LMBR1: variants seen among roughly 807,000 people sequenced by gnomAD.
LMBR1 encodes limb region 1 protein homolog.
A neutral mutation model predicts 73.9 loss-of-function variants in LMBR1; 52 were observed. The ratio of observed to expected loss-of-function variants is 0.70; its 90% CI spans 0.56 to 0.89. The LOEUF (loss-of-function observed/expected upper bound fraction) is 0.89. Ranked by LOEUF, LMBR1 falls within the 40% of genes least tolerant of loss-of-function variation. The probability of loss-of-function intolerance (pLI) is 0.00; values close to 1 mark genes in which losing one functional copy is unlikely to be tolerated. For missense variants in LMBR1, 539 were observed against 579.8 expected (o/e 0.93, Z 0.72); for synonymous variants, 215 against 209.4 (o/e 1.03, Z -0.23).
chr7:156,760,272 A>G (rs1370852225), intron 8 of LMBR1, among the ~76,000 whole-genome samples: 1 of 151,020 alleles, frequency 6.6e-6, no homozygotes, highest in African/African-American at 2.5e-5. Flanking sequence ...CATTAATAAG[A>G]GACAAGTTAA....
At chr7:156,892,692 G>A (rs1803302611) in intron 1 of LMBR1, 1 of 334,590 alleles carries the variant, frequency 3.0e-6, no homozygotes, top group East Asian at 5.0e-5. Flanking sequence ...GGAGGCAAGA[G>A]CGGAGCGGGG....
chr7:156,828,122 A>C (rs1297195719), intron 3 of LMBR1, among the ~76,000 whole-genome samples: 1 of 152,134 alleles, frequency 6.6e-6, no homozygotes, highest in Non-Finnish European at 1.5e-5. Context: ...ATCAAATCCA[A>C]AATCTCACCA....
At chr7:156,747,563 G>A (rs1820067894) in intron 9 of LMBR1, among the ~76,000 whole-genome samples, 1 of 151,974 alleles carries the variant, frequency 6.6e-6, no homozygotes, top group South Asian at 2.1e-4. Context: ...TCAAATAATT[G>A]ATGAAATACA....
intron 4 of LMBR1, among the ~76,000 whole-genome samples, chr7:156,799,247 G>T (rs1020326612): frequency 5.3e-5 from 8 of 151,706 alleles, no homozygotes; most frequent in Non-Finnish European, 1.2e-4. Context: ...ACCTAAAGCC[G>T]ATTGCATGTT....
At chr7:156,789,560 T>C (rs938706004) in intron 5 of LMBR1, among the ~76,000 whole-genome samples, 7 of 152,222 alleles carry the variant, frequency 4.6e-5, no homozygotes, top group African/African-American at 1.7e-4. Context: ...GGTTCAGTTA[T>C]ATATTGACAA....
chr7:156,789,579 T>C lies in LMBR1; in HGVS notation c.423+6810A>G, dbSNP rs77727105. On this transcript the variant is annotated intron_variant, in intron 5 of 16. Transcript: ENST00000353442. Reference sequence around the variant, plus strand: ...CAGTTATATATTGACAAACGTTTCATAGATCAAAGATCAACATTGTGACCC... The same window carrying C: ...CAGTTATATATTGACAAACGTTTCACAGATCAAAGATCAACATTGTGACCC... Among the ~76,000 whole-genome samples the C allele has an allele frequency of 0.024, 3,635 of 152,292 alleles. 140 individuals are homozygous for C. The highest frequency in any genetic ancestry group is 0.083 in the African/African-American group (3,455 of 41,542).
At chr7:156,759,527 G>A (rs1013176389) in intron 8 of LMBR1, among the ~76,000 whole-genome samples, 12 of 152,082 alleles carry the variant, frequency 7.9e-5, no homozygotes, top group Admixed American at 7.2e-4. Flanking sequence ...TTTGTCATCA[G>A]GATAAAATGA....
At chr7:156,834,221 T>C (rs372061175) in intron 2 of LMBR1, among the ~76,000 whole-genome samples, 1 of 152,170 alleles carries the variant, frequency 6.6e-6, no homozygotes, top group African/African-American at 2.4e-5. Context: ...AATATGAATT[T>C]GTCATTAATA....
intron 4 of LMBR1, among the ~76,000 whole-genome samples, chr7:156,671,235 G>T (rs975858063): frequency 2.0e-5 from 3 of 152,218 alleles, no homozygotes; most frequent in Admixed American, 2.0e-4. Flanking sequence ...TGCACCGTTT[G>T]TCTGTCAGTA....
At chr7:156,887,823 A>T (rs937933867) in intron 1 of LMBR1, among the ~76,000 whole-genome samples, 1 of 152,222 alleles carries the variant, frequency 6.6e-6, no homozygotes, top group Non-Finnish European at 1.5e-5. Context: ...ACTAAACAAC[A>T]AAAATCAAGC....
At chr7:156,722,016 C>CTAATT (rs375574415) in intron 15 of LMBR1, among the ~76,000 whole-genome samples, 1 of 151,562 alleles carries the variant, frequency 6.6e-6, no homozygotes, top group African/African-American at 2.4e-5. Context: ...AAAACATCAT[C>CTAATT]ATTTCTTTTA....
intron 1 of LMBR1, among the ~76,000 whole-genome samples, chr7:156,867,069 A>G (rs1487801619): frequency 6.6e-6 from 1 of 152,244 alleles, no homozygotes; most frequent in East Asian, 1.9e-4. Flanking sequence ...ACAACTCAAT[A>G]ATAAAAAGAA....
intron 9 of LMBR1, among the ~76,000 whole-genome samples, chr7:156,744,314 G>A (rs1819453666): frequency 6.6e-6 from 1 of 150,774 alleles, no homozygotes; most frequent in African/African-American, 2.4e-5. Flanking sequence ...TCTTTGTCTG[G>A]AATTTTTCTA....
chr7:156,691,108 T>C (rs1342984804), intron 15 of LMBR1, among the ~76,000 whole-genome samples: 1 of 152,162 alleles, frequency 6.6e-6, no homozygotes, highest in Non-Finnish European at 1.5e-5. Context: ...TTAGAAGTAA[T>C]ACTACTATTA....
Position 156,684,149 on chromosome 7 carries a change from G to A in LMBR1, c.1402C>T (p.His468Tyr). 1 of 1,613,804 alleles carries A rather than the reference G, an allele frequency of 6.2e-7. No homozygotes were observed. The highest frequency in any genetic ancestry group is 1.3e-5 in the African/African-American group (1 of 75,004). Reference sequence around the variant, plus strand: ...GAATCCCTTGAAGTATTTGGTAAGTGAAGTTTATGAAGCCCTGCAAAAAAA... The same window carrying A: ...GAATCCCTTGAAGTATTTGGTAAGTAAAGTTTATGAAGCCCTGCAAAAAAA... ...LFKALGLHKL[H>Y]LPNTSRDSET... Residue 468 changes from histidine to tyrosine, a missense_variant, in exon 17 of 17, where the codon CAC becomes TAC. By Grantham distance (83) the His-to-Tyr change is moderately conservative. Around this residue, in one of 3 missense-constraint regions of LMBR1, gnomAD observed 69 missense variants for 68.5 expected, o/e 1.01. Coordinates refer to ENST00000353442, the MANE Select transcript of LMBR1 (RefSeq NM_022458.4).
intron 9 of LMBR1, among the ~76,000 whole-genome samples, chr7:156,744,021 C>T (rs1016108970): frequency 1.3e-5 from 2 of 152,080 alleles, no homozygotes. Flanking sequence ...AGATATAAAA[C>T]GAACAAATGA....
chr7:156,833,703 TTGA>T lies in LMBR1; in HGVS notation c.179+47_179+49del. On this transcript the variant is annotated intron_variant, in intron 3 of 16. Coordinates refer to ENST00000353442, the MANE Select transcript of LMBR1 (RefSeq NM_022458.4). ...AAAAATTAGAATTGGATTTTGAGAA[TTGA>T]TGACTTCAGAATCAGAAACAGAACA... The T allele has an allele frequency of 2.9e-6, 4 of 1,375,948 alleles. No homozygotes were observed. The South Asian group carries it at 4.9e-5, about 17-fold the overall frequency. The allele number at this position is 1,375,948 out of a possible 1,614,324, so 85.2% of individuals were successfully genotyped here.
intron 4 of LMBR1, among the ~76,000 whole-genome samples, chr7:156,798,718 G>A (rs571532818): frequency 6.6e-6 from 1 of 152,140 alleles, no homozygotes; most frequent in Admixed American, 6.5e-5. Context: ...TCTTTAGTAG[G>A]CTAGAGAACC....
rs1835749263 is a variant in LMBR1, at chr7:156,826,670, T to C, written c.254A>G (p.Asn85Ser). 2 of 1,608,860 alleles carry C rather than the reference T, an allele frequency of 1.2e-6. No homozygotes were observed. The highest frequency in any genetic ancestry group is 1.3e-5 in the African/African-American group (1 of 74,898). Residue 85 changes from asparagine (N) to serine (S), a missense_variant, in exon 4 of 17, where the codon AAT becomes AGT. By Grantham distance (46) the Asn-to-Ser change is conservative. Coordinates refer to ENST00000353442, the MANE Select transcript of LMBR1 (RefSeq NM_022458.4). ...VLLLPFSIIS[N>S]EILLSFPQNY... ...CTGAGGAAAAGAAAGCAGGATTTCA[T>C]TGCTGATGATTGAGAAGGGTAAAAG...
Sources: allele counts gnomAD v4.1 joint callset (sites outside exome capture counted in the v4.1 genomes callset), GRCh38; gene constraint gnomAD v4.1.1; regional missense constraint gnomAD v4.1.1; transcripts MANE v1.5; gene names NCBI Gene and HGNC (gene_info 2026-07-23, HGNC 2026-07-21).